The following HABP2 variants were observed in gnomAD, a reference collection of about 807,000 sequenced individuals.
The protein encoded by HABP2 is factor VII-activating protease.
Under a neutral mutation model 66.5 loss-of-function variants are expected in HABP2, and 65 were observed. The observed-to-expected ratio is 0.98, with a 90% CI of 0.80 to 1.20. HABP2 has a LOEUF of 1.20. Among genes scored for constraint, HABP2 ranks in the 50% most tolerant of loss-of-function variants. The pLI, the probability that HABP2 is intolerant of heterozygous loss-of-function variation, is 0.00. For synonymous variants in HABP2, 263 were observed against 253.9 expected, an observed-to-expected ratio of 1.04 and a Z score of -0.34; for missense variants, 786 against 691.0, an observed-to-expected ratio of 1.14 and a Z score of -1.54.
At chr10:113,559,995 T>A (rs142326298) in intron 1 of HABP2, among the ~76,000 whole-genome samples, 51 of 152,340 alleles carry the variant, frequency 3.3e-4, no homozygotes, top group African/African-American at 1.2e-3. Context: ...CTGGGCCTCA[T>A]CTTCCTCCTC....
In HABP2 at chr10:113,589,062, C is replaced by T; in HGVS notation, c.*693C>T. On this transcript the variant is annotated 3_prime_UTR_variant, in exon 13 of 13. Transcript: ENST00000351270. ...CCCCACTCTGATGATCTCCAGCCTC[C>T]ACTGCTTCTGCCCCCCGCTGCTGAA... 1.2e-6 allele frequency: 2 copies of T among 1,613,974 alleles called. No individual in the cohort carries two copies. Among genetic ancestry groups the T allele is most frequent in the Non-Finnish European group, 8.5e-7 (1 of 1,179,968 alleles).
intron 12 of HABP2, among the ~76,000 whole-genome samples, chr10:113,587,991 G>T (rs1845687577): frequency 6.6e-6 from 1 of 152,062 alleles, no homozygotes; most frequent in Non-Finnish European, 1.5e-5. Context: ...AGCCCGCGTG[G>T]ACTCAGGGAC....
At chr10:113,586,472 GT>G (rs1363100134) in intron 12 of HABP2, among the ~76,000 whole-genome samples, 13 of 88,380 alleles carry the variant, frequency 1.5e-4, no homozygotes, top group East Asian at 3.4e-4. Context: ...GTGTGTGTGT[GT>G]GTGGGGGGGG....
chr10:113,570,527 A>C (rs11575725), intron 2 of HABP2, among the ~76,000 whole-genome samples: 4,624 of 152,344 alleles, frequency 0.03, 168 homozygotes, highest in African/African-American at 0.086. Flanking sequence ...ATCTATGTTT[A>C]AACCTGAACT....
At position 113,584,159 on chromosome 10, in the gene HABP2, T is replaced by A; in HGVS notation, c.1249T>A (p.Leu417Ile). The part of the protein sequence containing the change: ...IPHNDIALLK[L>I]KPVDGHCALE... ...CTCTCTCCACCTAGCATTGCTCAAG[T>A]TAAAGCCAGTGGATGGTCACTGTGC... Residue 417 changes from leucine (L) to isoleucine (I), a missense_variant, in exon 11 of 13, where the codon TTA (leucine) becomes ATA (isoleucine). Coordinates refer to ENST00000351270, the MANE Select transcript of HABP2 (RefSeq NM_004132.5). 6.2e-7 allele frequency: 1 copy of A among 1,613,912 alleles called. No homozygotes were observed. Among genetic ancestry groups the A allele is most frequent in the Non-Finnish European group, 8.5e-7 (1 of 1,179,794 alleles).
At chr10:113,575,863 C>T (rs1261023031) in intron 3 of HABP2, 34 bp from the exon 4 acceptor site, 1 of 1,285,328 alleles carries the variant, frequency 7.8e-7, no homozygotes, top group Non-Finnish European at 1.1e-6. Flanking sequence ...CCTGCCTTTC[C>T]TTACCAACAT....
Position 113,583,228 on chromosome 10 carries a change from A to G in HABP2, c.1107A>G (p.Arg369=), listed in dbSNP as rs1564680673. 12 of 1,613,738 alleles carry G rather than the reference A, an allele frequency of 7.4e-6. No individual in the cohort carries two copies. The highest frequency in any genetic ancestry group is 1.7e-5 in the Admixed American group (1 of 59,976). Residue 369 remains arginine, a synonymous_variant, in exon 10 of 13, where the codon AGA becomes AGG. Coordinates refer to ENST00000351270, the MANE Select transcript of HABP2 (RefSeq NM_004132.5). ...TAAHCTDIKT[R]HLKVVLGDQD... ...TTTTCCCTTGCAGCATAAAAACCAG[A>G]CATCTAAAGGTGGTGCTAGGGGACC...
chr10:113,584,103 A>G (rs1845590967), intron 10 of HABP2, 45 bp from the exon 11 acceptor site: 1 of 1,594,286 alleles, frequency 6.3e-7, no homozygotes, highest in Non-Finnish European at 8.6e-7. Context: ...CTTCTCTGAC[A>G]AAGAGGTGAC....
chr10:113,566,017 T>C (rs1252592638), intron 1 of HABP2, among the ~76,000 whole-genome samples: 3 of 152,236 alleles, frequency 2.0e-5, no homozygotes, highest in African/African-American at 7.2e-5. Context: ...TCTTTCCTAA[T>C]TTATCATCTA....
chr10:113,586,478 G>GTTT (rs200364449), intron 12 of HABP2, among the ~76,000 whole-genome samples: 1 of 131,108 alleles, frequency 7.6e-6, no homozygotes, highest in Non-Finnish European at 1.6e-5. Flanking sequence ...GTGTGTGTGG[G>GTTT]GGGGGGGGGG....
At position 113,589,162 on chromosome 10, in the gene HABP2, G is replaced by A; in HGVS notation, c.*793G>A. 1 of 1,089,388 alleles carries A rather than the reference G, an allele frequency of 9.2e-7. No homozygotes were observed. The highest frequency in any genetic ancestry group is 1.4e-5 in the South Asian group (1 of 72,940). 67.5% of individuals were successfully genotyped at this position (1,089,388 alleles called of 1,614,324 possible). A position where few individuals can be genotyped will look rare whatever the true frequency, so the allele number is the denominator to read the frequency against. ...CCCCGGTTCCCACAGGACACGCTAA[G>A]AAGCACAGGGAGCATTTAACAGGCT... On this transcript the variant is annotated 3_prime_UTR_variant, in exon 13 of 13. Coordinates refer to ENST00000351270, the MANE Select transcript of HABP2 (RefSeq NM_004132.5).
At chr10:113,567,926 T>C (rs1845230329) in intron 2 of HABP2, among the ~76,000 whole-genome samples, 1 of 152,206 alleles carries the variant, frequency 6.6e-6, no homozygotes, top group South Asian at 2.1e-4. Flanking sequence ...GCTCCACCTC[T>C]TTTTGTGCGA....
intron 11 of HABP2, 85 bp downstream of exon 11, chr10:113,584,367 T>G: frequency 9.1e-7 from 1 of 1,097,548 alleles, no homozygotes; most frequent in East Asian, 2.4e-5. Context: ...CCTTTTGAAG[T>G]TGAAATGAGT....
At chr10:113,585,647 G>A (rs1845619306) in intron 11 of HABP2, 146 bp from the exon 12 acceptor site, 1 of 653,940 alleles carries the variant, frequency 1.5e-6, no homozygotes. Context: ...GGCTAAAGAT[G>A]AGGCTTTTCT....
At chr10:113,560,523 A>C (rs1366377439) in intron 1 of HABP2, among the ~76,000 whole-genome samples, 4 of 152,232 alleles carry the variant, frequency 2.6e-5, no homozygotes, top group Non-Finnish European at 4.4e-5. Flanking sequence ...ATCTAAGTAC[A>C]TATCTGAAAG....
intron 2 of HABP2, chr10:113,570,094 A>C (rs535886964): frequency 1.3e-4 from 20 of 152,380 alleles, no homozygotes; most frequent in African/African-American, 4.8e-4. Context: ...AAGGACTTTC[A>C]TGAAACCCAA....
At chr10:113,571,620 A>C (rs1022994070) in intron 2 of HABP2, among the ~76,000 whole-genome samples, 3 of 152,158 alleles carry the variant, frequency 2.0e-5, no homozygotes, top group African/African-American at 7.2e-5. Flanking sequence ...GGGGTGGAGA[A>C]TCAAGGGCTA....
chr10:113,562,100 G>A (rs548403223), intron 1 of HABP2, among the ~76,000 whole-genome samples: 25 of 152,264 alleles, frequency 1.6e-4, no homozygotes, highest in African/African-American at 5.1e-4. Flanking sequence ...GCCCAAGTGC[G>A]GAGTAGAATA....
intron 7 of HABP2, 61 bp from the exon 8 acceptor site, chr10:113,580,534 T>G: frequency 1.1e-6 from 1 of 883,816 alleles, no homozygotes; most frequent in Non-Finnish European, 1.9e-6. Flanking sequence ...CAAAGGTTCT[T>G]TAATAAGATC....
Sources: allele counts gnomAD v4.1 joint callset (sites outside exome capture counted in the v4.1 genomes callset), GRCh38; gene constraint gnomAD v4.1.1; transcripts MANE v1.5; gene names NCBI Gene and HGNC (gene_info 2026-07-23, HGNC 2026-07-21).